YJU2: variants seen among roughly 807,000 people sequenced by gnomAD.
YJU2 encodes the protein YJU2 splicing factor homolog, also known as splicing factor YJU2.
In YJU2, 28 loss-of-function variants were observed where a neutral mutation model predicts 39.6. The ratio of observed to expected loss-of-function variants is 0.71; its 90% confidence interval spans 0.52 to 0.97. The LOEUF (loss-of-function observed/expected upper bound fraction) is 0.97, where lower values mean the gene tolerates loss of function less well. Among genes scored for constraint, YJU2 ranks in the 50% least tolerant of loss-of-function variants. The pLI is 0.00. For synonymous variants in YJU2, 184 were observed against 182.4 expected, an observed-to-expected ratio of 1.01 and a Z score of -0.07; for missense variants, 328 against 430.4, an observed-to-expected ratio of 0.76 and a Z score of 2.11.
intron 1 of YJU2, among the ~76,000 whole-genome samples, chr19:4,247,648 T>C (rs1190131405): frequency 0.034 from 1,865 of 54,852 alleles, 313 homozygotes; most frequent in African/African-American, 0.064. Flanking sequence ...TGTGTGTGTG[T>C]GTGTGTGTGT....
At position 4,247,592 on chromosome 19, in the gene YJU2, T is replaced by TGGC. The variant is rs1568359528; in HGVS notation, c.24+423_24+424insGCG. Among the ~76,000 whole-genome samples, 55 of 5,528 alleles carry TGGC rather than the reference T, an allele frequency of 9.9e-3. 7 individuals are homozygous for TGGC. The highest frequency in any genetic ancestry group is 0.037 in the East Asian group (10 of 272). 3.6% of individuals were successfully genotyped at this position (5,528 alleles called of 152,430 possible). ...TGGGGTGGGGTGGCGCGTGTGTGTG[T>TGGC]GTGTGTGTGTGTGTGTGTGTGTGTG... On this transcript the variant is annotated intron_variant, in intron 1 of 7. Transcript: ENST00000262962.
At chr19:4,255,573 CA>C (rs1268323103) in intron 4 of YJU2, among the ~76,000 whole-genome samples, 1 of 150,736 alleles carries the variant, frequency 6.6e-6, no homozygotes, top group African/African-American at 2.4e-5. Flanking sequence ...ACTAAAAATA[CA>C]AAAAATTAGC....
rs1295101345 is a variant in YJU2 at position 4,251,189 on chromosome 19, C to A, written c.270+18C>A. 6.2e-7 allele frequency: 1 copy of A among 1,609,540 alleles called. No individual in the cohort carries two copies. The highest frequency in any genetic ancestry group is 8.5e-7 in the Non-Finnish European group (1 of 1,177,474). On this transcript the variant is annotated intron_variant, in intron 3 of 7. Transcript: ENST00000262962. ...CCTTCAAGGTAGGTGAGACGGCCGG[C>A]CAGGCCGGTCCCTCTCCCCCAGCAC...
At chr19:4,253,166 C>T (rs1410340029) in intron 3 of YJU2, among the ~76,000 whole-genome samples, 1 of 149,906 alleles carries the variant, frequency 6.7e-6, no homozygotes, top group Non-Finnish European at 1.5e-5. Flanking sequence ...TCAAGACTAG[C>T]CTGGGCAACA....
At chr19:4,254,323 T>A in intron 3 of YJU2, 32 bp from the exon 4 acceptor site, 1 of 1,543,320 alleles carries the variant, frequency 6.5e-7, no homozygotes, top group Non-Finnish European at 9.0e-7. Context: ...CCTGGGGATG[T>A]AGGAGCTGAT....
chr19:4,251,895 G>A (rs1452911531), intron 3 of YJU2, among the ~76,000 whole-genome samples: 1 of 152,040 alleles, frequency 6.6e-6, no homozygotes, highest in Non-Finnish European at 1.5e-5. Flanking sequence ...ACCAAAGCAG[G>A]AGAATCGCTT....
At chr19:4,260,649 C>T (rs970146190) in intron 5 of YJU2, among the ~76,000 whole-genome samples, 14 of 152,050 alleles carry the variant, frequency 9.2e-5, no homozygotes, top group East Asian at 1.9e-4. Flanking sequence ...TTTTTAGAGA[C>T]GGGGTCTCGC....
At chr19:4,249,137 C>T in intron 1 of YJU2, 91 bp from the exon 2 acceptor site, 1 of 866,300 alleles carries the variant, frequency 1.2e-6, no homozygotes, top group Non-Finnish European at 1.8e-6. Context: ...TTGGGGACCC[C>T]CGACACAGCT....
At chr19:4,259,206 G>A (rs556510542) in intron 5 of YJU2, among the ~76,000 whole-genome samples, 4 of 135,318 alleles carry the variant, frequency 3.0e-5, no homozygotes, top group East Asian at 2.4e-4. Context: ...AGCCTCCCGA[G>A]TAGCTGGGAT....
At chr19:4,260,099 T>G (rs1342903383) in intron 5 of YJU2, among the ~76,000 whole-genome samples, 1 of 151,858 alleles carries the variant, frequency 6.6e-6, no homozygotes, top group East Asian at 1.9e-4. Context: ...ACCACACCAC[T>G]GCCCTCGGTG....
intron 6 of YJU2, 79 bp from the exon 7 acceptor site, chr19:4,267,545 T>C: frequency 6.8e-7 from 1 of 1,460,182 alleles, no homozygotes; most frequent in Middle Eastern, 2.5e-4. Context: ...CATGGGGCAG[T>C]GAGCAGGGGT....
rs1971076109 is a variant in YJU2, at chr19:4,262,110, A to G, written c.704A>G (p.Asp235Gly). 1 of 1,609,268 alleles carries G rather than the reference A, an allele frequency of 6.2e-7. No homozygotes were observed. Among genetic ancestry groups the G allele is most frequent in the South Asian group, 1.1e-5 (1 of 91,018 alleles). Residue 235 changes from aspartate to glycine, a missense_variant, in exon 6 of 8, where the codon GAT (aspartate) becomes GGT (glycine). Coordinates refer to ENST00000262962, the MANE Select transcript of YJU2 (RefSeq NM_018074.6). ...CGGCCCAACCCCACCGCCATCCTGG[A>G]TGAGGTAAGTGGGGTGCCTGAGTCC... is the stretch of plus-strand genomic sequence containing the variant. ...ALRPNPTAIL[D>G]EAPKPKRKVE... is the part of the protein sequence containing the mutation.
Position 4,268,733 on chromosome 19 carries a change from C to T in YJU2, c.*37C>T, listed in dbSNP as rs1175902764. The T allele has an allele frequency of 1.5e-5, 22 of 1,448,922 alleles. No homozygotes were observed. Among genetic ancestry groups the T allele is most frequent in the African/African-American group, 2.8e-5 (2 of 71,492 alleles). The allele number at this position is 1,448,922 out of a possible 1,614,324, so 89.8% of individuals were successfully genotyped here. A position where few individuals can be genotyped will look rare whatever the true frequency, so the allele number is the denominator to read the frequency against. On this transcript the variant is annotated 3_prime_UTR_variant, in exon 8 of 8. Transcript: ENST00000262962. ...ACCCCCTCACGGGGTCAAAGTCACA[C>T]GTCCAGCTTCAGCCACATTGAGGCC...
intron 4 of YJU2, among the ~76,000 whole-genome samples, chr19:4,256,109 G>T (rs1039273876): frequency 6.7e-6 from 1 of 150,366 alleles, no homozygotes; most frequent in Non-Finnish European, 1.5e-5. Flanking sequence ...AGGAAGTTGA[G>T]GCTGCAGTTA....
intron 6 of YJU2, among the ~76,000 whole-genome samples, chr19:4,265,953 A>ATTT (rs75896159): frequency 2.8e-4 from 33 of 117,376 alleles, no homozygotes; most frequent in Non-Finnish European, 4.3e-4. Context: ...GAGCTACGAC[A>ATTT]TTTTTTTTTT....
At chr19:4,259,304 C>T (rs1318730675) in intron 5 of YJU2, among the ~76,000 whole-genome samples, 1 of 151,968 alleles carries the variant, frequency 6.6e-6, no homozygotes, top group Admixed American at 6.6e-5. Context: ...TGGTCTCGAT[C>T]TCCTGACCTC....
At chr19:4,264,836 C>T (rs1275231483) in intron 6 of YJU2, among the ~76,000 whole-genome samples, 1 of 152,054 alleles carries the variant, frequency 6.6e-6, no homozygotes, top group Non-Finnish European at 1.5e-5. Context: ...CTGTGTTGCC[C>T]AGGCTGGTCT....
chr19:4,249,344 G>GT lies in YJU2; in HGVS notation c.125+17dup. 1 of 1,553,006 alleles carries GT rather than the reference G, an allele frequency of 6.4e-7. No homozygotes were observed. Among genetic ancestry groups the GT allele is most frequent in the Non-Finnish European group, 8.9e-7 (1 of 1,126,570 alleles). On this transcript the variant is annotated intron_variant, in intron 2 of 7. Transcript: ENST00000262962. ...TCAACATGAGGTGAGCACCCCCTGC[G>GT]TGACCCCACACACCAGTCATGGCTG...
intron 5 of YJU2, among the ~76,000 whole-genome samples, chr19:4,258,724 C>T (rs1204244875): frequency 6.6e-6 from 1 of 152,250 alleles, no homozygotes. Flanking sequence ...CTTCCAGATC[C>T]TCTCCTGGTG....
Sources: allele counts gnomAD v4.1 joint callset (sites outside exome capture counted in the v4.1 genomes callset), GRCh38; gene constraint gnomAD v4.1.1; transcripts MANE v1.5; gene names NCBI Gene and HGNC (gene_info 2026-07-23, HGNC 2026-07-21).